SAMD5: variants seen among roughly 807,000 people sequenced by gnomAD.
The protein encoded by SAMD5 is sterile alpha motif domain-containing protein 5.
A neutral mutation model predicts 11.3 loss-of-function variants in SAMD5; 13 were observed. The observed-to-expected ratio is 1.15, with a 90% CI of 0.75 to 1.83. The LOEUF (loss-of-function observed/expected upper bound fraction) is 1.83. Among genes scored for constraint, SAMD5 ranks in the 40% most tolerant of loss-of-function variants. The pLI, the probability that SAMD5 is intolerant of heterozygous loss-of-function variation, is 0.00. For missense variants in SAMD5, 255 were observed against 239.1 expected, an observed-to-expected ratio of 1.07 and a Z score of -0.44; for synonymous variants, 129 against 111.3, an observed-to-expected ratio of 1.16 and a Z score of -1.00.
Position 147,509,071 on chromosome 6 carries a change from C to A in SAMD5, c.143C>A (p.Ala48Glu), listed in dbSNP as rs1172164205. The A allele has an allele frequency of 1.2e-6, 2 of 1,601,836 alleles. No individual in the cohort carries two copies. Residue 48 changes from alanine (A) to glutamate (E), a missense_variant, in exon 1 of 2, where the codon GCG (alanine) becomes GAG (glutamate). Coordinates refer to ENST00000367474, the MANE Select transcript of SAMD5 (RefSeq NM_001030060.3). ...DPDLDAIGVLAPAHRRRILEA... is the reference protein window; with the variant it reads ...DPDLDAIGVLEPAHRRRILEA... Reference sequence around the variant, plus strand: ...GACCTGGATGCCATCGGGGTGCTGGCGCCCGCGCACCGCCGCCGTATCCTG... The same window carrying A: ...GACCTGGATGCCATCGGGGTGCTGGAGCCCGCGCACCGCCGCCGTATCCTG...
At chr6:147,688,944 T>A (rs1335307917) in intron 1 of SAMD5, among the ~76,000 whole-genome samples, 2 of 152,230 alleles carry the variant, frequency 1.3e-5, no homozygotes, top group African/African-American at 4.8e-5. Context: ...ACCAAAAAGC[T>A]CTCTTGTTTA....
chr6:147,829,211 C>A, the SAMD5 span, among the ~76,000 whole-genome samples: 1 of 152,210 alleles, frequency 6.6e-6, no homozygotes, highest in Admixed American at 6.5e-5. Flanking sequence ...ATATAAAACT[C>A]AAGCCAGTGG....
At chr6:147,525,299 G>GTA (rs1788319449) in intron 1 of SAMD5, among the ~76,000 whole-genome samples, 1 of 145,106 alleles carries the variant, frequency 6.9e-6, no homozygotes. Context: ...TGGGCATCTA[G>GTA]TATGGCAGGG....
At chr6:147,562,594 G>C (rs369330346) in intron 1 of SAMD5, among the ~76,000 whole-genome samples, 1 of 152,004 alleles carries the variant, frequency 6.6e-6, no homozygotes, top group Non-Finnish European at 1.5e-5. Context: ...AGGCTGAGGC[G>C]GGTGGATCAC....
the SAMD5 span, among the ~76,000 whole-genome samples, chr6:147,872,973 T>C: frequency 6.6e-6 from 1 of 152,222 alleles, no homozygotes. Context: ...TCGTAGTGCC[T>C]TGTACAAGCA....
chr6:147,792,299 A>G, the SAMD5 span, among the ~76,000 whole-genome samples: 1 of 152,268 alleles, frequency 6.6e-6, no homozygotes, highest in East Asian at 1.9e-4. Context: ...ATAATAATGT[A>G]CTAAAATTGA....
chr6:147,591,520 T>C (rs1412809609), intron 1 of SAMD5, among the ~76,000 whole-genome samples: 5 of 152,184 alleles, frequency 3.3e-5, no homozygotes, highest in Admixed American at 3.3e-4. Context: ...ATGTGAAATC[T>C]GCTTGACCTG....
the SAMD5 span, among the ~76,000 whole-genome samples, chr6:147,800,475 T>C: frequency 1.3e-5 from 2 of 152,196 alleles, no homozygotes; most frequent in Non-Finnish European, 2.9e-5. Flanking sequence ...TCTTCAAAGC[T>C]GTCAGACAGG....
intron 1 of SAMD5, among the ~76,000 whole-genome samples, chr6:147,666,147 C>A (rs962114420): frequency 6.6e-6 from 1 of 152,188 alleles, no homozygotes; most frequent in South Asian, 2.1e-4. Flanking sequence ...CCATGTTGGC[C>A]AGGCTGGTCG....
At chr6:147,837,382 A>C in the SAMD5 span, among the ~76,000 whole-genome samples, 36,175 of 152,122 alleles carry the variant, frequency 0.24, 5,290 homozygotes, top group African/African-American at 0.4. Context: ...ACTAAAACAT[A>C]AGCCAACTCG....
the SAMD5 span, among the ~76,000 whole-genome samples, chr6:147,833,279 A>T: frequency 6.6e-6 from 1 of 152,206 alleles, no homozygotes; most frequent in African/African-American, 2.4e-5. Context: ...CCTATTTATG[A>T]TTACAGTGTT....
chr6:147,934,305 G>A, the SAMD5 span, among the ~76,000 whole-genome samples: 3 of 152,182 alleles, frequency 2.0e-5, no homozygotes, highest in African/African-American at 7.2e-5. Flanking sequence ...AGTACCAAAT[G>A]TGGTATAACT....
At chr6:147,573,177 G>A (rs535660243), downstream of SAMD5, among the ~76,000 whole-genome samples, 15 of 152,286 alleles carry the variant, frequency 9.8e-5, no homozygotes, top group African/African-American at 3.4e-4. Flanking sequence ...ACAAAGCCCC[G>A]TTCTTCACAC....
At chr6:147,922,356 A>G in the SAMD5 span, among the ~76,000 whole-genome samples, 2 of 152,176 alleles carry the variant, frequency 1.3e-5, no homozygotes, top group Non-Finnish European at 2.9e-5. Context: ...AGTTAAAAGC[A>G]TTTGCATGCT....
rs2128445181 is a variant in SAMD5 at position 147,569,465 on chromosome 6, T to C, written c.*5009T>C. ...CTACTGGACCAAAAGGAAATAAATC[T>C]ACAATAAATCTACTTTCTAAATATT... On this transcript the variant is annotated 3_prime_UTR_variant, in exon 2 of 2. Coordinates refer to ENST00000367474, the MANE Select transcript of SAMD5 (RefSeq NM_001030060.3). The C allele has an allele frequency of 1.1e-6, 1 of 918,078 alleles. No individual in the cohort carries two copies. The highest frequency in any genetic ancestry group is 1.8e-5 in the African/African-American group (1 of 55,964). 56.9% of individuals were successfully genotyped at this position (918,078 alleles called of 1,614,324 possible). A position where few individuals can be genotyped will look rare whatever the true frequency, so the allele number is the denominator to read the frequency against.
chr6:147,769,604 C>T, the SAMD5 span, among the ~76,000 whole-genome samples: 26 of 152,270 alleles, frequency 1.7e-4, no homozygotes, highest in African/African-American at 5.3e-4. Flanking sequence ...TAAATGGCAG[C>T]GTCTTCATAA....
At chr6:147,890,496 C>A in the SAMD5 span, among the ~76,000 whole-genome samples, 2 of 151,698 alleles carry the variant, frequency 1.3e-5, no homozygotes, top group African/African-American at 4.8e-5. Context: ...GTAGCTGGGA[C>A]TACAGGCACA....
the SAMD5 span, among the ~76,000 whole-genome samples, chr6:147,823,021 T>C: frequency 6.6e-6 from 1 of 152,142 alleles, no homozygotes; most frequent in Non-Finnish European, 1.5e-5. Flanking sequence ...TTTACCACGT[T>C]GGCCAGGCTG....
the SAMD5 span, among the ~76,000 whole-genome samples, chr6:147,924,028 T>A: frequency 1.3e-5 from 2 of 152,152 alleles, no homozygotes; most frequent in Admixed American, 6.5e-5. Flanking sequence ...TCCTTGCCAG[T>A]GGGGTGAGTC....
Sources: allele counts gnomAD v4.1 joint callset (sites outside exome capture counted in the v4.1 genomes callset), GRCh38; gene constraint gnomAD v4.1.1; transcripts MANE v1.5; gene names NCBI Gene and HGNC (gene_info 2026-07-23, HGNC 2026-07-21).